The following LAMA1 variants were observed in gnomAD, a reference collection of about 807,000 sequenced individuals.
The protein encoded by LAMA1 is laminin subunit alpha-1.
In LAMA1, 219 loss-of-function variants were observed where a neutral mutation model predicts 348.7. The ratio of observed to expected loss-of-function variants is 0.63; its 90% CI spans 0.56 to 0.70. The LOEUF (loss-of-function observed/expected upper bound fraction) is 0.70, where lower values mean the gene tolerates loss of function less well. Among genes scored for constraint, LAMA1 ranks in the 30% least tolerant of loss-of-function variants. The pLI, the probability that LAMA1 is intolerant of heterozygous loss-of-function variation, is 0.00. For synonymous variants in LAMA1, 1,487 were observed against 1,491.0 expected (o/e 1.00, Z 0.06); for missense variants, 3,744 against 3,888.0 (o/e 0.96, Z 0.99).
chr18:7,043,884 C>T (rs1046257978), intron 7 of LAMA1, among the ~76,000 whole-genome samples: 3 of 152,100 alleles, frequency 2.0e-5, no homozygotes, highest in Admixed American at 2.0e-4. Flanking sequence ...GGCTGGGCGC[C>T]ATGGCACACG....
rs746664690 is a variant in LAMA1, at chr18:7,011,362, G to A, written c.3625C>T (p.Arg1209Trp). Residue 1209 changes from arginine to tryptophan, a missense_variant, in exon 25 of 63, where the codon CGG becomes TGG. Physicochemically the swap from Arg to Trp is moderately radical, Grantham distance 101. Coordinates refer to ENST00000389658, the MANE Select transcript of LAMA1 (RefSeq NM_005559.4). ...PDFLLDAATVRQHIRAEPFYW... is the reference protein window; with the variant it reads ...PDFLLDAATVWQHIRAEPFYW... ...AACGGCTCTGCACGGATGTGCTGCC[G>A]GACGGTGGCGGCATCCAGCAGGAAG... The A allele has an allele frequency of 1.9e-5, 31 of 1,611,784 alleles. No individual in the cohort carries two copies. Among genetic ancestry groups the A allele is most frequent in the East Asian group, 4.5e-5 (2 of 44,832 alleles).
chr18:6,995,781 G>GA (rs1397409755), intron 33 of LAMA1, among the ~76,000 whole-genome samples: 4 of 151,628 alleles, frequency 2.6e-5, no homozygotes, highest in South Asian at 4.2e-4. Flanking sequence ...CAACACCTAA[G>GA]AAAAAAATGC....
At chr18:7,063,968 C>G (rs992086112) in intron 3 of LAMA1, among the ~76,000 whole-genome samples, 1 of 152,082 alleles carries the variant, frequency 6.6e-6, no homozygotes, top group African/African-American at 2.4e-5. Flanking sequence ...TGCCACTGTA[C>G]TGTACACTTA....
intron 1 of LAMA1, among the ~76,000 whole-genome samples, chr18:7,086,666 G>A (rs1301112324): frequency 6.6e-6 from 1 of 152,090 alleles, no homozygotes; most frequent in Non-Finnish European, 1.5e-5. Flanking sequence ...CGTGAATGAC[G>A]ATAATGCCTG....
intron 41 of LAMA1, among the ~76,000 whole-genome samples, chr18:6,982,019 A>C (rs624294): frequency 0.49 from 75,039 of 152,008 alleles, 18,915 homozygotes; most frequent in East Asian, 0.69. Context: ...GTATTTTTTG[A>C]AAAATGGCTA....
intron 17 of LAMA1, 86 bp downstream of exon 17, chr18:7,025,893 C>T (rs1416420066): frequency 6.6e-7 from 1 of 1,522,280 alleles, no homozygotes; most frequent in Admixed American, 2.0e-5. Flanking sequence ...ATTACACACA[C>T]AGTCTTGCTC....
chr18:7,086,191 G>T (rs1253751179), intron 1 of LAMA1, among the ~76,000 whole-genome samples: 1 of 152,152 alleles, frequency 6.6e-6, no homozygotes, highest in Non-Finnish European at 1.5e-5. Flanking sequence ...TGACCCCAGG[G>T]TTCTCACAAC....
At chr18:7,016,226 C>G (rs1056498959) in intron 21 of LAMA1, among the ~76,000 whole-genome samples, 2 of 152,086 alleles carry the variant, frequency 1.3e-5, no homozygotes, top group Non-Finnish European at 2.9e-5. Context: ...CATTAGCATC[C>G]CCATTTTACA....
intron 16 of LAMA1, among the ~76,000 whole-genome samples, chr18:7,027,775 T>G (rs1263573702): frequency 6.6e-6 from 1 of 152,016 alleles, no homozygotes; most frequent in Non-Finnish European, 1.5e-5. Flanking sequence ...AAACCCCATC[T>G]CTACTAAAAA....
intron 1 of LAMA1, among the ~76,000 whole-genome samples, chr18:7,095,432 C>T (rs1201504015): frequency 6.6e-6 from 1 of 152,186 alleles, no homozygotes; most frequent in African/African-American, 2.4e-5. Context: ...ACACACAGAA[C>T]AGTGAATTTT....
chr18:7,049,515 G>A (rs1158568565), intron 4 of LAMA1, among the ~76,000 whole-genome samples: 1 of 152,082 alleles, frequency 6.6e-6, no homozygotes, highest in African/African-American at 2.4e-5. Flanking sequence ...CACCAGGTTG[G>A]TCTTGAACTC....
intron 19 of LAMA1, among the ~76,000 whole-genome samples, chr18:7,021,971 G>T (rs2057919978): frequency 6.6e-6 from 1 of 151,018 alleles, no homozygotes; most frequent in Non-Finnish European, 1.5e-5. Flanking sequence ...TCTCAGAAAG[G>T]CCTTGATATA....
chr18:6,971,481 T>A (rs1431118006), intron 48 of LAMA1, among the ~76,000 whole-genome samples: 1 of 152,154 alleles, frequency 6.6e-6, no homozygotes, highest in Non-Finnish European at 1.5e-5. Flanking sequence ...GAAGGTTGTT[T>A]GAGAAATTGT....
chr18:7,076,227 G>C (rs755874885), intron 3 of LAMA1, among the ~76,000 whole-genome samples: 1 of 152,122 alleles, frequency 6.6e-6, no homozygotes, highest in East Asian at 1.9e-4. Flanking sequence ...ATGTCAGTGA[G>C]ATCTAAGAAA....
intron 36 of LAMA1, among the ~76,000 whole-genome samples, chr18:6,989,460 A>G (rs1399097699): frequency 6.6e-6 from 1 of 152,198 alleles, no homozygotes; most frequent in Non-Finnish European, 1.5e-5. Context: ...TTCAGCATGA[A>G]CCACCAATGT....
At chr18:6,956,429 A>G in intron 56 of LAMA1, 1 of 776,522 alleles carries the variant, frequency 1.3e-6, no homozygotes, top group South Asian at 1.4e-5. Context: ...TGGGGCCTAC[A>G]ATCTATGGAT....
intron 19 of LAMA1, 102 bp from the exon 20 acceptor site, chr18:7,017,486 T>C: frequency 1.2e-6 from 1 of 819,200 alleles, no homozygotes; most frequent in East Asian, 2.6e-5. Flanking sequence ...ACTTTCAATG[T>C]TTCAAATCAC....
intron 1 of LAMA1, among the ~76,000 whole-genome samples, chr18:7,089,555 GC>G (rs1438905226): frequency 2.6e-5 from 4 of 152,242 alleles, no homozygotes; most frequent in Non-Finnish European, 5.9e-5. Flanking sequence ...AGTGGGAGGG[GC>G]TCAAGCCAAG....
intron 3 of LAMA1, among the ~76,000 whole-genome samples, chr18:7,057,476 T>TC (rs1229148946): frequency 1.1e-4 from 13 of 115,938 alleles, no homozygotes; most frequent in Non-Finnish European, 1.2e-4. Context: ...CTTTTCTTTT[T>TC]TTTTTTTTTT....
Sources: gnomAD v4.1 joint callset for allele counts (sites outside exome capture counted in the v4.1 genomes callset) on GRCh38, gnomAD v4.1.1 for gene constraint, MANE v1.5 for transcripts, NCBI Gene and HGNC (gene_info 2026-07-23, HGNC 2026-07-21) for gene names.